Variants in DOHH observed in about 807,000 individuals in gnomAD.
DOHH encodes the protein deoxyhypusine hydroxylase, also known as HEAT-like (PBS lyase) repeat containing 1.
A neutral mutation model predicts 19.9 loss-of-function variants in DOHH; 16 were observed. The observed-to-expected ratio is 0.80, with a 90% CI of 0.54 to 1.22. The LOEUF (loss-of-function observed/expected upper bound fraction) is 1.22. Ranked by LOEUF, DOHH falls within the 50% of genes most tolerant of loss-of-function variation. The pLI is 0.00. For missense variants in DOHH, 460 were observed against 460.6 expected (o/e 1.00, Z 0.01); for synonymous variants, 233 against 217.0 (o/e 1.07, Z -0.65).
At position 3,491,903 on chromosome 19, in the gene DOHH, G is replaced by C; in HGVS notation, c.590-92C>G. 7.8e-7 allele frequency: 1 copy of C among 1,289,842 alleles called. No individual in the cohort carries two copies. Among genetic ancestry groups the C allele is most frequent in the East Asian group, 2.9e-5 (1 of 34,422 alleles). 79.9% of individuals were successfully genotyped at this position (1,289,842 alleles called of 1,614,324 possible). ...ACATGGGGTCTTGCTATCTTGCCCA[G>C]GCAGGTCACAAAGTCCTGGCGATCT... On this transcript the variant is annotated intron_variant, in intron 4 of 4. Coordinates refer to ENST00000427575, the MANE Select transcript of DOHH (RefSeq NM_001145165.2). The surrounding 1 kb of genome is among the most constrained non-coding windows in gnomAD (Gnocchi z 5.6).
At chr19:3,494,518 C>CA (rs559590670) in intron 2 of DOHH, among the ~76,000 whole-genome samples, 34 of 152,202 alleles carry the variant, frequency 2.2e-4, no homozygotes, top group South Asian at 1.2e-3. Flanking sequence ...AAAAAACAAA[C>CA]AAAAAAAATT....
chr19:3,498,878 T>C (rs765554152), intron 1 of DOHH, among the ~76,000 whole-genome samples: 14 of 152,124 alleles, frequency 9.2e-5, no homozygotes, highest in Non-Finnish European at 1.5e-4. Flanking sequence ...CCTGGACCCA[T>C]TTAGATTAAG....
intron 3 of DOHH, 110 bp from the exon 4 acceptor site, chr19:3,492,609 C>G: frequency 1.1e-6 from 1 of 882,558 alleles, no homozygotes; most frequent in Non-Finnish European, 1.6e-6. Flanking sequence ...GGCAGGGTGA[C>G]TAACCCATCA....
intron 3 of DOHH, among the ~76,000 whole-genome samples, 167 bp from the exon 4 acceptor site, chr19:3,492,666 C>T (rs1487246759): frequency 6.6e-6 from 1 of 152,092 alleles, no homozygotes; most frequent in South Asian, 2.1e-4. Context: ...TTGTGAGTGA[C>T]CGGGGGACTG....
At chr19:3,493,870 C>T (rs893363927) in intron 3 of DOHH, among the ~76,000 whole-genome samples, 158 bp downstream of exon 3, 7 of 152,142 alleles carry the variant, frequency 4.6e-5, no homozygotes, top group Non-Finnish European at 1.0e-4. Context: ...TTGTCGCCCT[C>T]GCCTTCCTCA....
intron 2 of DOHH, among the ~76,000 whole-genome samples, chr19:3,494,627 G>A (rs973773642): frequency 1.3e-5 from 2 of 152,234 alleles, no homozygotes; most frequent in Non-Finnish European, 2.9e-5. Context: ...TGCAGGCGTC[G>A]CAAGCCCAGG....
At chr19:3,494,160 C>T (rs2082891089) in intron 2 of DOHH, 56 bp from the exon 3 acceptor site, 1 of 1,521,866 alleles carries the variant, frequency 6.6e-7, no homozygotes. Flanking sequence ...TGGAAAATGC[C>T]CGGCTACCTC....
chr19:3,497,031 T>C (rs1023352939), intron 1 of DOHH, 145 bp from the exon 2 acceptor site: 4 of 498,982 alleles, frequency 8.0e-6, no homozygotes, highest in African/African-American at 5.8e-5. Flanking sequence ...CCCTACTAGC[T>C]GTGCAGCCTT....
chr19:3,491,506 C>T lies in DOHH; in HGVS notation c.895G>A (p.Gly299Arg), dbSNP rs200844251. ...AGGGTGGGGCCCTAGGAGGGGGCCC[C>T]GCGCAGCTGCTCCAGGCCGTCCGCG... Reference protein sequence around the residue: ...QYADGLEQLRGAPS With the variant: ...QYADGLEQLRRAPS The change falls in exon 5 of 5, where the codon GGG becomes AGG. Residue 299 changes from glycine to arginine, a missense_variant. Gly to Arg is a moderately radical substitution (Grantham distance 125). Transcript: ENST00000427575. The surrounding 1 kb of genome is among the most constrained non-coding windows in gnomAD (Gnocchi z 5.6). 7.8e-6 allele frequency: 12 copies of T among 1,534,232 alleles called. No homozygotes were observed. The South Asian group carries it at 1.3e-4, about 17-fold the overall frequency.
chr19:3,492,895 A>C (rs2082881484), intron 3 of DOHH, among the ~76,000 whole-genome samples: 1 of 152,220 alleles, frequency 6.6e-6, no homozygotes, highest in Non-Finnish European at 1.5e-5. Flanking sequence ...TTTTGTCCTA[A>C]AGGTGATGAG....
chr19:3,491,156 C>T lies in DOHH; in HGVS notation c.*336G>A, dbSNP rs1365841741. 2.4e-6 allele frequency: 1 copy of T among 415,534 alleles called. No individual in the cohort carries two copies. The highest frequency in any genetic ancestry group is 2.1e-5 in the African/African-American group (1 of 46,620). 25.7% of individuals were successfully genotyped at this position (415,534 alleles called of 1,614,324 possible). A position where few individuals can be genotyped will look rare whatever the true frequency, so the allele number is the denominator to read the frequency against. On this transcript the variant is annotated 3_prime_UTR_variant, in exon 5 of 5. Coordinates refer to ENST00000427575, the MANE Select transcript of DOHH (RefSeq NM_001145165.2). This position sits in a 1 kb window ranked among gnomAD's most constrained non-coding sequence, Gnocchi z 5.6. ...TCCCCTGGCTTCCCTCGCGATCCTC[C>T]CCTGGCTTCCCTCGCGATCCTCCCC...
At chr19:3,498,364 G>T (rs533911354) in intron 1 of DOHH, among the ~76,000 whole-genome samples, 6 of 152,116 alleles carry the variant, frequency 3.9e-5, no homozygotes, top group African/African-American at 1.4e-4. Flanking sequence ...GAAGAGTTTT[G>T]CCCAGGCCTT....
rs1444693177 is a variant in DOHH at position 3,494,129 on chromosome 19, C to T, written c.275-25G>A. On this transcript the variant is annotated intron_variant, in intron 2 of 4. Transcript: ENST00000427575. ...CCTGGGAAGAAGCAGCCGGAGAGCTCATGTTGGTGGGGTGGATGTGTGGAA... is the reference window on the plus strand; with the variant it reads ...CCTGGGAAGAAGCAGCCGGAGAGCTTATGTTGGTGGGGTGGATGTGTGGAA... 3.1e-6 allele frequency: 5 copies of T among 1,607,226 alleles called. No individual in the cohort carries two copies. The Admixed American group carries it at 5.0e-5, about 16-fold the overall frequency.
Position 3,491,747 on chromosome 19 carries a change from G to A in DOHH, c.654C>T (p.His218=), listed in dbSNP as rs1360865669. 3 of 1,514,006 alleles carry A rather than the reference G, an allele frequency of 2.0e-6. No homozygotes were observed. The highest frequency in any genetic ancestry group is 2.6e-5 in the East Asian group (1 of 39,156). 93.8% of individuals were successfully genotyped at this position (1,514,006 alleles called of 1,614,324 possible). A position where few individuals can be genotyped will look rare whatever the true frequency, so the allele number is the denominator to read the frequency against. The part of the protein sequence containing the change: ...EVGYVLGQLQ[H]EAAVPQLAAA... The stretch of plus-strand genomic sequence containing the variant: ...CCGCCAGCTGGGGCACCGCCGCCTC[G>A]TGCTGCAGCTGTCCCAGGACGTAGC... The change falls in exon 5 of 5, where the codon CAC becomes CAT. Residue 218 remains histidine (H), a synonymous_variant. Coordinates refer to ENST00000427575, the MANE Select transcript of DOHH (RefSeq NM_001145165.2). This position sits in a 1 kb window ranked among gnomAD's most constrained non-coding sequence, Gnocchi z 5.6.
Position 3,496,645 on chromosome 19 carries a change from T to C in DOHH, c.170A>G (p.Glu57Gly). The change falls in exon 2 of 5, where the codon GAG (glutamate) becomes GGG (glycine). Residue 57 changes from glutamate (E) to glycine (G), a missense_variant. Glu to Gly is a moderately conservative substitution (Grantham distance 98, BLOSUM62 -2). Coordinates refer to ENST00000427575, the MANE Select transcript of DOHH (RefSeq NM_001145165.2). The surrounding 1 kb of genome is among the most constrained non-coding windows in gnomAD (Gnocchi z 4.8). ...CATCTGGCCCAGGCAGTAGGCCAGC[T>C]CGTGCTTGAGCAGGGCGGAATCGTC... is the stretch of plus-strand genomic sequence containing the variant. ...FDDDSALLKH[E>G]LAYCLGQMQD... 6.2e-7 allele frequency: 1 copy of C among 1,613,998 alleles called. No homozygotes were observed. The highest frequency in any genetic ancestry group is 8.5e-7 in the Non-Finnish European group (1 of 1,180,000).
chr19:3,491,493 T>TA lies in DOHH; in HGVS notation c.907dup (p.Ter303LeufsTer14), dbSNP rs1568219908. On this transcript the variant is annotated frameshift_variant and stop_lost, in exon 5 of 5. Transcript: ENST00000427575. LOFTEE classifies it high-confidence loss of function. This position sits in a 1 kb window ranked among gnomAD's most constrained non-coding sequence, Gnocchi z 5.6. ...GGAGCTCCGGGTGAGGGTGGGGCCC[T>TA]AGGAGGGGGCCCCGCGCAGCTGCTC... 2.1e-5 allele frequency: 32 copies of TA among 1,532,660 alleles called. No homozygotes were observed. The highest frequency in any genetic ancestry group is 2.6e-5 in the Non-Finnish European group (30 of 1,145,810). 94.9% of individuals were successfully genotyped at this position (1,532,660 alleles called of 1,614,324 possible). A position where few individuals can be genotyped will look rare whatever the true frequency, so the allele number is the denominator to read the frequency against.
chr19:3,494,961 C>T lies in DOHH; in HGVS notation c.275-857G>A, dbSNP rs2082897670. ...ACTGGTCTCCTTCGCTGTCTAGGTC[C>T]CTCGCTACAACAGTCCATTTTTTTT... On this transcript the variant is annotated intron_variant, in intron 2 of 4. Coordinates refer to ENST00000427575, the MANE Select transcript of DOHH (RefSeq NM_001145165.2). 2.6e-5 allele frequency among the ~76,000 whole-genome samples: 4 copies of T among 151,118 alleles called. No homozygotes were observed. In the Admixed American group the frequency reaches 2.7e-4, roughly 10 times the overall value.
intron 2 of DOHH, among the ~76,000 whole-genome samples, chr19:3,495,127 C>T (rs902980142): frequency 1.3e-5 from 2 of 151,928 alleles, no homozygotes; most frequent in African/African-American, 4.8e-5. Context: ...GCGCCGGCCA[C>T]CACGCCCAGC....
In DOHH at chr19:3,491,779, CG is replaced by C; in HGVS notation, c.621del (p.His207GlnfsTer121). On this transcript the variant is annotated frameshift_variant, in exon 5 of 5. Transcript: ENST00000427575. LOFTEE classifies it low-confidence loss of function (END_TRUNC). This position sits in a 1 kb window ranked among gnomAD's most constrained non-coding sequence, Gnocchi z 5.6. ...AGCTGTCCCAGGACGTAGCCGACCT[CG>C]TGGCGGAAGAGGGCGCTCCCACAGT... ...GLHCGSALFR[H>X]EVGYVLGQLQ... 6.6e-7 allele frequency: 1 copy of C among 1,505,072 alleles called. No individual in the cohort carries two copies. The highest frequency in any genetic ancestry group is 8.8e-7 in the Non-Finnish European group (1 of 1,130,060). 93.2% of individuals were successfully genotyped at this position (1,505,072 alleles called of 1,614,324 possible).
Sources: allele counts gnomAD v4.1 joint callset (sites outside exome capture counted in the v4.1 genomes callset), GRCh38; gene constraint gnomAD v4.1.1; non-coding constraint Gnocchi (gnomAD v3.1); transcripts MANE v1.5; gene names NCBI Gene and HGNC (gene_info 2026-07-23, HGNC 2026-07-21).